LIMCH1: variants seen among roughly 807,000 people sequenced by gnomAD.
LIMCH1 encodes LIM and calponin homology domains-containing protein 1.
In LIMCH1, 113 loss-of-function variants were observed where a neutral mutation model predicts 176.5. The ratio of observed to expected loss-of-function variants is 0.64; its 90% confidence interval spans 0.55 to 0.75. The LOEUF is 0.75. Ranked by LOEUF, LIMCH1 falls within the 30% of genes least tolerant of loss-of-function variation. The probability of loss-of-function intolerance (pLI) is 0.00; values close to 1 mark genes in which losing one functional copy is unlikely to be tolerated. For synonymous variants in LIMCH1, 619 were observed against 645.9 expected (o/e 0.96, Z 0.63); for missense variants, 1,674 against 1,814.9 (o/e 0.92, Z 1.41).
rs538080155 is a variant in LIMCH1 at position 41,613,048 on chromosome 4, G to T, written c.10-418G>T. The T allele has an allele frequency of 2.6e-5, 41 of 1,552,056 alleles. No homozygotes were observed. In the East Asian group the frequency reaches 1.0e-3, roughly 38 times the overall value. On this transcript the variant is annotated intron_variant, in intron 4 of 31. Coordinates refer to ENST00000503057, the MANE Select transcript of LIMCH1 (RefSeq NM_001330672.2). Reference sequence around the variant, plus strand: ...CAAAAGTTGCACAGCTAAACCAGGGGCTCATTCCCAGGACAGACATGCAGT... The same window carrying T: ...CAAAAGTTGCACAGCTAAACCAGGGTCTCATTCCCAGGACAGACATGCAGT...
intron 1 of LIMCH1, among the ~76,000 whole-genome samples, chr4:41,402,225 A>G (rs1229401917): frequency 3.9e-5 from 6 of 152,174 alleles, no homozygotes; most frequent in Non-Finnish European, 2.9e-5. Context: ...CACATGAAAA[A>G]TGCTCATCAT....
chr4:41,455,718 G>A (rs7665984), intron 1 of LIMCH1, among the ~76,000 whole-genome samples: 77,486 of 152,106 alleles, frequency 0.51, 22,499 homozygotes, highest in African/African-American at 0.81. Context: ...TCGACTCAGC[G>A]CACAAGTTAA....
At chr4:41,583,794 T>G (rs1215254344) in intron 1 of LIMCH1, among the ~76,000 whole-genome samples, 2 of 152,050 alleles carry the variant, frequency 1.3e-5, no homozygotes, top group African/African-American at 4.8e-5. Flanking sequence ...TTTTTTTTTT[T>G]TGCTTTGAAT....
intron 3 of LIMCH1, among the ~76,000 whole-genome samples, chr4:41,530,761 C>T (rs887375725): frequency 3.5e-4 from 47 of 134,208 alleles, no homozygotes; most frequent in African/African-American, 1.3e-3. Context: ...TGCCATTGCA[C>T]TCCAGCCGGG....
At chr4:41,569,105 A>G (rs1289385847) in intron 1 of LIMCH1, among the ~76,000 whole-genome samples, 1 of 152,218 alleles carries the variant, frequency 6.6e-6, no homozygotes, top group African/African-American at 2.4e-5. Context: ...CCGAACCAGC[A>G]TAGATATTGT....
intron 1 of LIMCH1, among the ~76,000 whole-genome samples, chr4:41,363,634 C>T (rs976630946): frequency 2.6e-5 from 4 of 152,132 alleles, no homozygotes; most frequent in Admixed American, 6.5e-5. Flanking sequence ...AATTTCTCGG[C>T]GTGCAGCCTT....
intron 1 of LIMCH1, among the ~76,000 whole-genome samples, chr4:41,555,678 A>G (rs575824702): frequency 2.2e-4 from 33 of 152,240 alleles, no homozygotes; most frequent in Admixed American, 1.1e-3. Context: ...TTTTTTTCTT[A>G]TATGGTTAGA....
At chr4:41,587,186 T>C (rs1192831954) in intron 1 of LIMCH1, among the ~76,000 whole-genome samples, 1 of 152,210 alleles carries the variant, frequency 6.6e-6, no homozygotes, top group Admixed American at 6.5e-5. Context: ...ACTCTAAAAC[T>C]TTGAAAGAAA....
chr4:41,502,196 A>G (rs1405758122), intron 2 of LIMCH1, among the ~76,000 whole-genome samples: 1 of 151,932 alleles, frequency 6.6e-6, no homozygotes, highest in Non-Finnish European at 1.5e-5. Flanking sequence ...TTTGTTGAGG[A>G]TTATGGCTTC....
At chr4:41,579,335 G>A (rs995371940) in intron 1 of LIMCH1, among the ~76,000 whole-genome samples, 5 of 152,112 alleles carry the variant, frequency 3.3e-5, no homozygotes, top group Admixed American at 6.5e-5. Flanking sequence ...TGATCCTTAC[G>A]CAGTGGCATT....
chr4:41,650,390 T>C lies in LIMCH1; in HGVS notation c.2821-3T>C, dbSNP rs776675771. The stretch of plus-strand genomic sequence containing the variant: ...TGTTTTTTGTTCATTCTGGCTTTTA[T>C]AGGTAGACGGGAAAGTCAGTGTGAA... On this transcript the variant is annotated splice_region_variant and splice_polypyrimidine_tract_variant and intron_variant, in intron 17 of 31. Coordinates refer to ENST00000503057, the MANE Select transcript of LIMCH1 (RefSeq NM_001330672.2). 1.9e-6 allele frequency: 3 copies of C among 1,612,690 alleles called. No homozygotes were observed. Among genetic ancestry groups the C allele is most frequent in the African/African-American group, 1.3e-5 (1 of 74,986 alleles).
At chr4:41,681,284 G>A (rs985276297) in intron 25 of LIMCH1, among the ~76,000 whole-genome samples, 66 of 152,178 alleles carry the variant, frequency 4.3e-4, no homozygotes, top group Non-Finnish European at 1.3e-4. Flanking sequence ...CATTACCCCA[G>A]CAAGATCTAT....
At chr4:41,663,852 T>TAAAAAAAAAAAAAAAAAAA (rs34659309) in intron 20 of LIMCH1, among the ~76,000 whole-genome samples, 1 of 82,758 alleles carries the variant, frequency 1.2e-5, no homozygotes, top group Admixed American at 1.4e-4. Flanking sequence ...TCTTCATCTC[T>TAAAAAAAAAAAAAAAAAAA]AAAAAAAAAA....
At chr4:41,408,735 A>G (rs778422032) in intron 1 of LIMCH1, among the ~76,000 whole-genome samples, 4 of 152,330 alleles carry the variant, frequency 2.6e-5, no homozygotes, top group Middle Eastern at 3.4e-3. Flanking sequence ...ACCTGAAATA[A>G]CATCTTCATT....
chr4:41,531,511 CA>C (rs2077300607), intron 3 of LIMCH1, among the ~76,000 whole-genome samples: 2 of 107,394 alleles, frequency 1.9e-5, no homozygotes, highest in East Asian at 4.9e-4. Flanking sequence ...CACACACACA[CA>C]CACATACACA....
chr4:41,617,208 C>A lies in LIMCH1; in HGVS notation c.206-1980C>A, dbSNP rs552899716. Among the ~76,000 whole-genome samples, 3 of 152,236 alleles carry A rather than the reference C, an allele frequency of 2.0e-5. No individual in the cohort carries two copies. The South Asian group carries it at 6.2e-4, about 32-fold the overall frequency. ...AAGCTTTCATAGTTGATTGAAGAAT[C>A]ATTTGCTTTATTTGTTCAACAAAGT... On this transcript the variant is annotated intron_variant, in intron 5 of 31. Coordinates refer to ENST00000503057, the MANE Select transcript of LIMCH1 (RefSeq NM_001330672.2).
intron 21 of LIMCH1, among the ~76,000 whole-genome samples, chr4:41,667,705 G>T (rs1418864413): frequency 6.6e-6 from 1 of 152,138 alleles, no homozygotes; most frequent in Non-Finnish European, 1.5e-5. Context: ...AATCCCAGGT[G>T]CCCATGACCA....
At chr4:41,530,614 C>G (rs926514451) in intron 3 of LIMCH1, among the ~76,000 whole-genome samples, 1 of 151,682 alleles carries the variant, frequency 6.6e-6, no homozygotes, top group East Asian at 1.9e-4. Flanking sequence ...CGAGATTAGC[C>G]TGGCCAACAT....
chr4:41,397,650 C>A (rs987888011), intron 1 of LIMCH1, among the ~76,000 whole-genome samples: 15 of 151,308 alleles, frequency 9.9e-5, no homozygotes, highest in African/African-American at 3.6e-4. Context: ...AAAAGAAGTA[C>A]AGATACAGAA....
Sources: allele counts gnomAD v4.1 joint callset (sites outside exome capture counted in the v4.1 genomes callset), GRCh38; gene constraint gnomAD v4.1.1; transcripts MANE v1.5; gene names NCBI Gene and HGNC (gene_info 2026-07-23, HGNC 2026-07-21).